Variants in MACROD1 observed in about 807,000 individuals in gnomAD.
MACROD1 encodes the protein mono-ADP ribosylhydrolase 1, also known as ADP-ribose glycohydrolase MACROD1.
A neutral mutation model predicts 41.4 loss-of-function variants in MACROD1; 31 were observed. That is an observed-to-expected ratio of 0.75 (90% CI 0.56 to 1.01). The LOEUF (loss-of-function observed/expected upper bound fraction) is 1.01, where lower values mean the gene tolerates loss of function less well. MACROD1 is among the 50% of genes least tolerant of loss of function. The pLI is 0.00. For missense variants in MACROD1, 473 were observed against 460.0 expected, an observed-to-expected ratio of 1.03 and a Z score of -0.26; for synonymous variants, 252 against 203.4, an observed-to-expected ratio of 1.24 and a Z score of -2.03.
chr11:64,064,843 CTCAT>C lies in MACROD1; in HGVS notation c.518-49566_518-49563del, dbSNP rs71045731. On this transcript the variant is annotated intron_variant, in intron 3 of 10. Coordinates refer to ENST00000255681, the MANE Select transcript of MACROD1 (RefSeq NM_014067.4). This position sits in a 1 kb window ranked among gnomAD's most constrained non-coding sequence, Gnocchi z 4.5. ...CAAGAGGCTAGAGTTTCACAAGGAC[CTCAT>C]TCATTCATTCATTCATTCATTCATT... is the stretch of plus-strand genomic sequence containing the variant. 0.34 allele frequency among the ~76,000 whole-genome samples: 51,262 copies of C among 150,338 alleles called. 10,509 individuals are homozygous for C. Among genetic ancestry groups the C allele is most frequent in the African/African-American group, 0.59 (23,967 of 40,840 alleles).
intron 3 of MACROD1, among the ~76,000 whole-genome samples, chr11:64,047,001 C>T (rs1943596349): frequency 6.6e-6 from 1 of 152,252 alleles, no homozygotes; most frequent in Admixed American, 6.5e-5. Context: ...TTCAGACCTT[C>T]CCAGCATGGC....
chr11:64,073,806 G>A (rs1944152392), intron 3 of MACROD1, among the ~76,000 whole-genome samples: 1 of 152,238 alleles, frequency 6.6e-6, no homozygotes, highest in African/African-American at 2.4e-5. Context: ...GCCGCATCCA[G>A]CCCTGTGTTG....
At chr11:64,085,148 G>T (rs574461662) in intron 3 of MACROD1, among the ~76,000 whole-genome samples, 1 of 152,234 alleles carries the variant, frequency 6.6e-6, no homozygotes, top group East Asian at 1.9e-4. Context: ...GTTCTGGGCA[G>T]AGGATGGGGC....
intron 3 of MACROD1, among the ~76,000 whole-genome samples, chr11:64,102,022 G>A (rs1303934913): frequency 6.6e-6 from 1 of 152,132 alleles, no homozygotes; most frequent in Non-Finnish European, 1.5e-5. Flanking sequence ...ATTAAAACAT[G>A]AACCCTAATA....
intron 3 of MACROD1, among the ~76,000 whole-genome samples, chr11:64,114,230 G>C (rs2091773513): frequency 6.7e-6 from 1 of 149,658 alleles, no homozygotes; most frequent in Admixed American, 6.7e-5. Context: ...ATGGACAGAT[G>C]GATGCATGGA....
chr11:64,003,921 G>T (rs190031685), intron 4 of MACROD1, among the ~76,000 whole-genome samples: 1 of 152,216 alleles, frequency 6.6e-6, no homozygotes, highest in Non-Finnish European at 1.5e-5. Context: ...CTTTCTGGAC[G>T]GTTTGGCTGC....
intron 3 of MACROD1, among the ~76,000 whole-genome samples, chr11:64,136,013 A>G (rs1209727100): frequency 6.6e-6 from 1 of 152,190 alleles, no homozygotes; most frequent in Non-Finnish European, 1.5e-5. Flanking sequence ...TGGACGTCCT[A>G]GGCAGCCAAA....
chr11:64,116,645 C>A lies in MACROD1; in HGVS notation c.517+34594G>T, dbSNP rs765907904. On this transcript the variant is annotated intron_variant, in intron 3 of 10. Coordinates refer to ENST00000255681, the MANE Select transcript of MACROD1 (RefSeq NM_014067.4). ...TGGATGAGTTCCCCATCAACCTGCC[C>A]CGCTCCCTCCGGGAGCTGCACCTGC... 15 of 1,614,144 alleles carry A rather than the reference C, an allele frequency of 9.3e-6. No homozygotes were observed. In the Admixed American group the frequency reaches 2.5e-4, roughly 27 times the overall value.
At chr11:64,043,331 C>A (rs910064084) in intron 3 of MACROD1, among the ~76,000 whole-genome samples, 3 of 152,202 alleles carry the variant, frequency 2.0e-5, no homozygotes, top group African/African-American at 7.2e-5. Context: ...TAGCTTTCCG[C>A]CCTCAGGACC....
intron 4 of MACROD1, among the ~76,000 whole-genome samples, chr11:64,012,951 T>C (rs956518179): frequency 2.0e-5 from 3 of 152,122 alleles, no homozygotes; most frequent in African/African-American, 7.2e-5. Flanking sequence ...TCCTCCTACC[T>C]CAGCCTCCCA....
intron 3 of MACROD1, among the ~76,000 whole-genome samples, chr11:64,015,717 T>C (rs1217316273): frequency 6.6e-6 from 1 of 152,172 alleles, no homozygotes; most frequent in African/African-American, 2.4e-5. Context: ...GGGCATAGCC[T>C]TGAAGCCACT....
At chr11:64,065,869 C>T (rs891936109) in intron 3 of MACROD1, among the ~76,000 whole-genome samples, 7 of 151,406 alleles carry the variant, frequency 4.6e-5, no homozygotes, top group Non-Finnish European at 1.0e-4. Context: ...GAGATCGCAA[C>T]AACCATTCAC....
intron 1 of MACROD1, among the ~76,000 whole-genome samples, chr11:64,162,302 C>T (rs1219201980): frequency 6.6e-6 from 1 of 151,908 alleles, no homozygotes; most frequent in Non-Finnish European, 1.5e-5. Flanking sequence ...TGAGATCTCA[C>T]AACTGCACTC....
intron 3 of MACROD1, among the ~76,000 whole-genome samples, chr11:64,129,748 G>A (rs1183360926): frequency 2.0e-5 from 3 of 152,178 alleles, no homozygotes; most frequent in African/African-American, 7.2e-5. Context: ...AGGATGACAG[G>A]CTGGCTGCAG....
intron 1 of MACROD1, among the ~76,000 whole-genome samples, chr11:64,160,858 A>G (rs1048751868): frequency 4.0e-5 from 6 of 151,866 alleles, no homozygotes; most frequent in Admixed American, 3.9e-4. Flanking sequence ...TTTATTCACA[A>G]GAAACCCAAA....
chr11:64,115,363 G>A (rs1190772445), intron 3 of MACROD1, among the ~76,000 whole-genome samples: 1 of 151,348 alleles, frequency 6.6e-6, no homozygotes, highest in Admixed American at 6.6e-5. Flanking sequence ...ATTCCTTTAA[G>A]TGCAAGAAAA....
chr11:64,043,999 G>A (rs935096429), intron 3 of MACROD1, among the ~76,000 whole-genome samples: 3 of 152,022 alleles, frequency 2.0e-5, no homozygotes, highest in African/African-American at 7.3e-5. Context: ...ATTTTTAGTA[G>A]AGACGGGGAT....
chr11:64,089,187 C>T (rs538374749), intron 3 of MACROD1, among the ~76,000 whole-genome samples: 86 of 152,296 alleles, frequency 5.6e-4, no homozygotes, highest in Non-Finnish European at 1.0e-3. Flanking sequence ...AGTGATCTGA[C>T]GGGACAAGTG....
chr11:64,152,845 CCTCA>C (rs1945603644), intron 1 of MACROD1, among the ~76,000 whole-genome samples: 1 of 152,214 alleles, frequency 6.6e-6, no homozygotes. Context: ...TCAGTTCTGC[CCTCA>C]CTGTCACTGC....
Sources: allele counts gnomAD v4.1 joint callset (sites outside exome capture counted in the v4.1 genomes callset), GRCh38; gene constraint gnomAD v4.1.1; non-coding constraint Gnocchi (gnomAD v3.1); transcripts MANE v1.5; gene names NCBI Gene and HGNC (gene_info 2026-07-23, HGNC 2026-07-21).